Variants in LITAF observed in about 807,000 individuals in gnomAD.
The protein encoded by LITAF is lipopolysaccharide induced TNF factor.
LITAF carries 9 observed loss-of-function variants against 14.5 expected under a neutral mutation model. The ratio of observed to expected loss-of-function variants is 0.62; its 90% confidence interval spans 0.37 to 1.08. The LOEUF (loss-of-function observed/expected upper bound fraction) is 1.08, where lower values mean the gene tolerates loss of function less well. Among genes scored for constraint, LITAF ranks in the 50% least tolerant of loss-of-function variants. The pLI is 0.01. For missense variants in LITAF, 206 were observed against 213.4 expected (o/e 0.97, Z 0.22); for synonymous variants, 98 against 88.2 (o/e 1.11, Z -0.62).
upstream of LITAF, among the ~76,000 whole-genome samples, chr16:11,588,860 CT>C (rs1438422450): frequency 6.4e-4 from 97 of 151,370 alleles, no homozygotes; most frequent in African/African-American, 2.2e-3. Flanking sequence ...TTTCTCCTTC[CT>C]TCCTTCCTTC....
intron 3 of LITAF, among the ~76,000 whole-genome samples, chr16:11,620,036 C>T (rs1024212888): frequency 4.0e-5 from 6 of 151,548 alleles, no homozygotes; most frequent in Non-Finnish European, 8.8e-5. Context: ...GGTGTGGTGG[C>T]GGGTGCCTGT....
At chr16:11,618,755 C>T (rs2065031964) in intron 3 of LITAF, among the ~76,000 whole-genome samples, 1 of 151,986 alleles carries the variant, frequency 6.6e-6, no homozygotes, top group Non-Finnish European at 1.5e-5. Flanking sequence ...GAGACCGAGG[C>T]GGGCGGATCA....
intron 1 of LITAF, among the ~76,000 whole-genome samples, chr16:11,570,363 G>T (rs2064522962): frequency 6.6e-6 from 1 of 152,106 alleles, no homozygotes; most frequent in African/African-American, 2.4e-5. Context: ...GTCACACGGG[G>T]GCTTCACTGT....
intron 3 of LITAF, chr16:11,629,337 G>A (rs1425370311): frequency 1.3e-5 from 2 of 152,434 alleles, no homozygotes; most frequent in Admixed American, 1.3e-4. Flanking sequence ...GGGTGCATGT[G>A]GTTTTCTAGA....
chr16:11,581,318 T>A (rs1347727956), intron 1 of LITAF, among the ~76,000 whole-genome samples: 1 of 152,216 alleles, frequency 6.6e-6, no homozygotes, highest in Non-Finnish European at 1.5e-5. Flanking sequence ...AATAGGCAGG[T>A]CTTACCCCAA....
upstream of LITAF, among the ~76,000 whole-genome samples, chr16:11,590,167 G>A (rs2064839535): frequency 7.0e-5 from 8 of 113,698 alleles, 3 homozygotes; most frequent in South Asian, 2.1e-3. Flanking sequence ...TAATACTTAG[G>A]AAAACGCTTA....
chr16:11,550,872 C>T (rs1047691588), intron 3 of LITAF, among the ~76,000 whole-genome samples: 1 of 152,176 alleles, frequency 6.6e-6, no homozygotes, highest in Admixed American at 6.5e-5. Context: ...GAGAAGACAG[C>T]CACAGAGAAT....
upstream of LITAF, among the ~76,000 whole-genome samples, chr16:11,589,963 T>C (rs1478451352): frequency 2.5e-4 from 15 of 59,396 alleles, 6 homozygotes; most frequent in African/African-American, 1.3e-3. Flanking sequence ...AATCCAAAAA[T>C]GAAATTAAGA....
chr16:11,562,616 C>T lies in LITAF; in HGVS notation c.-5-5881G>A, dbSNP rs558908091. Among the ~76,000 whole-genome samples the T allele has an allele frequency of 5.3e-5, 8 of 152,234 alleles. No individual in the cohort carries two copies. In the South Asian group the frequency reaches 1.7e-3, roughly 32 times the overall value. On this transcript the variant is annotated intron_variant, in intron 1 of 3. Transcript: ENST00000622633. ...ATTTGCTCAACGAAAGGTATTCTTG[C>T]CCAGGCATGTTGGATCACGTCTGTA...
upstream of LITAF, among the ~76,000 whole-genome samples, chr16:11,601,581 C>T (rs1567259914): frequency 6.6e-6 from 1 of 150,624 alleles, no homozygotes; most frequent in Admixed American, 6.6e-5. Context: ...TATTTATTAA[C>T]TTTTTTGAGA....
intron 3 of LITAF, among the ~76,000 whole-genome samples, chr16:11,611,461 T>TC (rs1019655768): frequency 1.3e-5 from 2 of 152,182 alleles, no homozygotes; most frequent in African/African-American, 4.8e-5. Flanking sequence ...ATTTGTTGTT[T>TC]CTCTGACATT....
At chr16:11,601,247 C>T (rs998775516), upstream of LITAF, among the ~76,000 whole-genome samples, 1 of 151,938 alleles carries the variant, frequency 6.6e-6, no homozygotes, top group Non-Finnish European at 1.5e-5. Flanking sequence ...AAAACCGCCT[C>T]CCCTTCCCAC....
chr16:11,552,838 G>T (rs1159645657), intron 3 of LITAF, among the ~76,000 whole-genome samples: 1 of 152,168 alleles, frequency 6.6e-6, no homozygotes, highest in Non-Finnish European at 1.5e-5. Flanking sequence ...CTTGGGCCAG[G>T]CATGATGGCC....
At chr16:11,637,916 ATATCTATATC>A (rs2065145094), upstream of LITAF, among the ~76,000 whole-genome samples, 2 of 64,970 alleles carry the variant, frequency 3.1e-5, no homozygotes, top group African/African-American at 1.6e-4. Context: ...ATATATATCT[ATATCTATATC>A]TATATCTATA....
intron 2 of LITAF, chr16:11,556,249 T>C (rs1597332327): frequency 3.7e-6 from 2 of 538,302 alleles, no homozygotes; most frequent in Non-Finnish European, 6.6e-6. Context: ...GAAAGTTGGT[T>C]GTGCCTCCAA....
chr16:11,639,955 C>T (rs1349624968), upstream of LITAF, among the ~76,000 whole-genome samples: 2 of 152,118 alleles, frequency 1.3e-5, no homozygotes, highest in African/African-American at 4.8e-5. Context: ...TTGTATGTTT[C>T]GCAGAGACAT....
chr16:11,622,545 T>C (rs1467785555), intron 3 of LITAF, among the ~76,000 whole-genome samples: 1 of 152,230 alleles, frequency 6.6e-6, no homozygotes, highest in African/African-American at 2.4e-5. Flanking sequence ...TCCACCTCCC[T>C]ACACAACCCC....
intron 1 of LITAF, among the ~76,000 whole-genome samples, chr16:11,583,156 T>C (rs1321336888): frequency 2.0e-5 from 3 of 152,182 alleles, no homozygotes; most frequent in South Asian, 4.2e-4. Context: ...AAGCTCAGAG[T>C]GAAATATTTC....
chr16:11,637,049 C>A (rs1228726173), upstream of LITAF, among the ~76,000 whole-genome samples: 2 of 152,038 alleles, frequency 1.3e-5, no homozygotes, highest in Non-Finnish European at 2.9e-5. Flanking sequence ...TAAAAGTGAG[C>A]CCAGCTAATT....
Sources: gnomAD v4.1 joint callset for allele counts (sites outside exome capture counted in the v4.1 genomes callset) on GRCh38, gnomAD v4.1.1 for gene constraint, MANE v1.5 for transcripts, NCBI Gene and HGNC (gene_info 2026-07-23, HGNC 2026-07-21) for gene names.